The following EPB41L4A variants were observed in gnomAD, a reference collection of about 807,000 sequenced individuals.
The protein encoded by EPB41L4A is band 4.1-like protein 4A.
A neutral mutation model predicts 108.6 loss-of-function variants in EPB41L4A; 100 were observed. The observed-to-expected ratio is 0.92, with a 90% CI of 0.78 to 1.09. The LOEUF is 1.09. EPB41L4A is among the 50% of genes least tolerant of loss of function. EPB41L4A has a pLI of 0.00. For missense variants in EPB41L4A, 1,030 were observed against 842.7 expected, an observed-to-expected ratio of 1.22 and a Z score of -2.75; for synonymous variants, 319 against 289.0, an observed-to-expected ratio of 1.10 and a Z score of -1.05.
At chr5:112,170,073 T>G (rs553987204) in intron 20 of EPB41L4A, 11 of 525,842 alleles carry the variant, frequency 2.1e-5, no homozygotes, top group Admixed American at 3.8e-5. Flanking sequence ...AAAAGCCCCC[T>G]TGTACCTACC....
chr5:112,240,708 C>T lies in EPB41L4A; in HGVS notation c.887+11G>A, dbSNP rs771638952. 3 of 1,482,834 alleles carry T rather than the reference C, an allele frequency of 2.0e-6. No individual in the cohort carries two copies. The South Asian group carries it at 4.0e-5, about 20-fold the overall frequency. The allele number at this position is 1,482,834 out of a possible 1,614,324, so 91.9% of individuals were successfully genotyped here. The stretch of plus-strand genomic sequence containing the variant: ...ATTAAGACAACAAACAAAATTTTTA[C>T]ATCAATTTACCTAAAAAATGTATGA... On this transcript the variant is annotated intron_variant, in intron 10 of 22. Coordinates refer to ENST00000261486, the MANE Select transcript of EPB41L4A (RefSeq NM_022140.5).
intron 4 of EPB41L4A, among the ~76,000 whole-genome samples, chr5:112,274,115 A>C (rs1456796531): frequency 7.0e-6 from 1 of 141,900 alleles, no homozygotes; most frequent in African/African-American, 2.6e-5. Context: ...ATAACAAGAC[A>C]AAAAAAAAAA....
intron 13 of EPB41L4A, among the ~76,000 whole-genome samples, chr5:112,209,208 C>T (rs1290518178): frequency 1.3e-5 from 2 of 152,318 alleles, no homozygotes; most frequent in East Asian, 3.9e-4. Flanking sequence ...TGGGGGGCAA[C>T]CCCTATAGAG....
rs1760092090 is a variant in EPB41L4A at position 112,164,246 on chromosome 5, T to C, written c.*744A>G. ...ACAAAATAAAGTATTATAAAGAACT[T>C]TATATGAATAAAAATATATGCAGTC... On this transcript the variant is annotated 3_prime_UTR_variant, in exon 23 of 23. Coordinates refer to ENST00000261486, the MANE Select transcript of EPB41L4A (RefSeq NM_022140.5). 6.6e-6 allele frequency: 1 copy of C among 152,200 alleles called. No individual in the cohort carries two copies. Among genetic ancestry groups the C allele is most frequent in the South Asian group, 2.1e-4 (1 of 4,830 alleles). 9.4% of individuals were successfully genotyped at this position (152,200 alleles called of 1,614,324 possible). A position where few individuals can be genotyped will look rare whatever the true frequency, so the allele number is the denominator to read the frequency against.
At chr5:112,351,590 G>A (rs997176182) in intron 1 of EPB41L4A, among the ~76,000 whole-genome samples, 23 of 152,250 alleles carry the variant, frequency 1.5e-4, no homozygotes, top group Admixed American at 1.1e-3. Flanking sequence ...CTGAAGAGGA[G>A]GGAATTCTTC....
At chr5:112,350,083 C>T (rs897735999) in intron 1 of EPB41L4A, among the ~76,000 whole-genome samples, 3 of 152,226 alleles carry the variant, frequency 2.0e-5, no homozygotes, top group African/African-American at 7.2e-5. Context: ...CCGCTAGCCA[C>T]ACATGTCTAC....
chr5:112,161,388 A>G (rs1759891364), downstream of EPB41L4A: 1 of 419,132 alleles, frequency 2.4e-6, no homozygotes, highest in Non-Finnish European at 4.7e-6. Flanking sequence ...TCGTGAGAAA[A>G]TTTCTCTGAA....
intron 1 of EPB41L4A, among the ~76,000 whole-genome samples, chr5:112,351,113 A>G (rs2416283): frequency 0.9 from 136,760 of 152,226 alleles, 61,502 homozygotes; most frequent in South Asian, 0.97. Context: ...AAAATGAGTC[A>G]AAGGAAAGAT....
intron 12 of EPB41L4A, among the ~76,000 whole-genome samples, chr5:112,151,246 A>C (rs566526161): frequency 7.9e-5 from 12 of 152,060 alleles, no homozygotes; most frequent in Non-Finnish European, 1.8e-4. Flanking sequence ...TAAGAATGTC[A>C]AATTTGTGAG....
chr5:112,245,254 T>C (rs1257769190), intron 9 of EPB41L4A, among the ~76,000 whole-genome samples: 2 of 152,208 alleles, frequency 1.3e-5, no homozygotes, highest in African/African-American at 2.4e-5. Context: ...ACTTGCTAAT[T>C]TAATTTCAAA....
At chr5:112,339,627 G>C (rs112362146) in intron 1 of EPB41L4A, among the ~76,000 whole-genome samples, 127 of 150,836 alleles carry the variant, frequency 8.4e-4, no homozygotes, top group African/African-American at 3.0e-3. Context: ...TCTACCTCCT[G>C]GGTTCAAGCG....
chr5:112,245,431 A>G (rs1331461054), intron 9 of EPB41L4A, among the ~76,000 whole-genome samples: 1 of 152,350 alleles, frequency 6.6e-6, no homozygotes, highest in East Asian at 1.9e-4. Flanking sequence ...CCCAAGTCCA[A>G]CTTGAATGAT....
At chr5:112,380,374 T>C (rs1193201493) in intron 1 of EPB41L4A, among the ~76,000 whole-genome samples, 1 of 152,208 alleles carries the variant, frequency 6.6e-6, no homozygotes, top group Non-Finnish European at 1.5e-5. Context: ...TAGTACTTAG[T>C]TGTAACTTTA....
chr5:112,264,703 C>G (rs4457123), intron 6 of EPB41L4A, 193 bp downstream of exon 6: 136,735 of 473,636 alleles, frequency 0.29, 20,398 homozygotes, highest in East Asian at 0.36. Context: ...ATTACTTTCT[C>G]CTTTACACTT....
intron 9 of EPB41L4A, among the ~76,000 whole-genome samples, chr5:112,242,405 T>C (rs1408962787): frequency 2.0e-5 from 3 of 152,234 alleles, no homozygotes; most frequent in Non-Finnish European, 4.4e-5. Context: ...CTTCAAGTTT[T>C]ATCATGGGAT....
At chr5:112,172,645 T>G (rs1580363862) in intron 18 of EPB41L4A, among the ~76,000 whole-genome samples, 1 of 152,328 alleles carries the variant, frequency 6.6e-6, no homozygotes, top group East Asian at 1.9e-4. Flanking sequence ...CATTAAATGA[T>G]ACTGTCAGAG....
At chr5:112,418,207 C>CA (rs1762828287) in intron 1 of EPB41L4A, among the ~76,000 whole-genome samples, 1 of 152,236 alleles carries the variant, frequency 6.6e-6, no homozygotes. Flanking sequence ...AACAAGCACG[C>CA]AGGCGCGTCG....
Position 112,234,745 on chromosome 5 carries a change from C to T in EPB41L4A, c.976G>A (p.Ala326Thr), listed in dbSNP as rs1220626401. Residue 326 changes from alanine (A) to threonine (T), a missense_variant, in exon 12 of 23, where the codon GCT (alanine) becomes ACT (threonine). Physicochemically the swap from Ala to Thr is moderately conservative, Grantham distance 58. Transcript: ENST00000261486. ...GAAAGATCTCGGCTCATTTGCAAAG[C>T]TGTCCTGCCACTTGAGAGTGCAACA... ...RYKHRYSGRT[A>T]LQMSRDLSIQ... 1.2e-6 allele frequency: 2 copies of T among 1,610,202 alleles called. No homozygotes were observed. Among genetic ancestry groups the T allele is most frequent in the African/African-American group, 1.3e-5 (1 of 74,870 alleles).
At chr5:112,166,282 C>T (rs1350975603) in intron 22 of EPB41L4A, among the ~76,000 whole-genome samples, 1 of 152,238 alleles carries the variant, frequency 6.6e-6, no homozygotes. Flanking sequence ...ACCTTTCCAG[C>T]TTCCACTGGT....
Sources: gnomAD v4.1 joint callset for allele counts (sites outside exome capture counted in the v4.1 genomes callset) on GRCh38, gnomAD v4.1.1 for gene constraint, MANE v1.5 for transcripts, NCBI Gene and HGNC (gene_info 2026-07-23, HGNC 2026-07-21) for gene names.